ATRX: variants seen among roughly 807,000 people sequenced by gnomAD.
ATRX encodes the protein chromatin remodeler ATRX.
In ATRX, 12 loss-of-function variants were observed where a neutral mutation model predicts 172.6. The ratio of observed to expected loss-of-function variants is 0.07; its 90% CI spans 0.04 to 0.11. The LOEUF (loss-of-function observed/expected upper bound fraction) is 0.11, where lower values mean the gene tolerates loss of function less well. Ranked by LOEUF, ATRX falls within the 10% of genes least tolerant of loss-of-function variation. The pLI, the probability that ATRX is intolerant of heterozygous loss-of-function variation, is 1.00. For missense variants in ATRX, 1,368 were observed against 1,767.4 expected, an observed-to-expected ratio of 0.77 and a Z score of 4.05; for synonymous variants, 674 against 594.7, an observed-to-expected ratio of 1.13 and a Z score of -1.94.
chrX:77,616,899 C>T (rs188540745), intron 21 of ATRX, among the ~76,000 whole-genome samples, 169 bp from the exon 22 acceptor site: 11 of 111,886 alleles, frequency 9.8e-5, no homozygotes, highest in African/African-American at 3.6e-4. Context: ...CAATTATCTA[C>T]ACAATGTATT....
chrX:77,550,417 C>A (rs1342944713), intron 30 of ATRX, among the ~76,000 whole-genome samples: 1 of 111,446 alleles, frequency 9.0e-6, no homozygotes, highest in Non-Finnish European at 1.9e-5. Flanking sequence ...AATTCAACAA[C>A]CTTCATGCTA....
At chrX:77,740,560 G>A (rs1557181550) in intron 1 of ATRX, among the ~76,000 whole-genome samples, 1 of 110,532 alleles carries the variant, frequency 9.0e-6, no homozygotes, top group East Asian at 2.8e-4. Flanking sequence ...AAACCCCCGA[G>A]GCTTATAGCC....
chrX:77,563,394 T>A (rs1482808180), intron 28 of ATRX, among the ~76,000 whole-genome samples: 1 of 112,456 alleles, frequency 8.9e-6, no homozygotes, highest in African/African-American at 3.2e-5. Flanking sequence ...CATTTTTAAC[T>A]TGAATTTCTC....
intron 1 of ATRX, among the ~76,000 whole-genome samples, chrX:77,737,533 G>GT (rs2074656702): frequency 9.3e-6 from 1 of 107,677 alleles, no homozygotes; most frequent in African/African-American, 3.4e-5. Flanking sequence ...GAGGTCAGGA[G>GT]TTTGAGATCA....
In ATRX at chrX:77,550,189, T is replaced by C. The variant is rs145467601; in HGVS notation, c.6699+7262A>G. Among the ~76,000 whole-genome samples, 462 of 111,467 alleles carry C rather than the reference T, an allele frequency of 4.1e-3. 4 individuals are homozygous for C. The highest frequency in any genetic ancestry group is 0.014 in the African/African-American group (432 of 30,736). ...ATTCCAACACTGCTTTTCAATGATATATGGATCACTAAGGAACACTATAAA... is the reference window on the plus strand; with the variant it reads ...ATTCCAACACTGCTTTTCAATGATACATGGATCACTAAGGAACACTATAAA... On this transcript the variant is annotated intron_variant, in intron 30 of 34. Transcript: ENST00000373344.
At chrX:77,756,859 C>A (rs1307910467) in intron 1 of ATRX, among the ~76,000 whole-genome samples, 2 of 109,810 alleles carry the variant, frequency 1.8e-5, no homozygotes, top group African/African-American at 3.3e-5. Flanking sequence ...AAAATCGGCT[C>A]ACTGCAACCA....
In ATRX at chrX:77,624,382, A is replaced by G. The variant is rs1183212217; in HGVS notation, c.5135-3850T>C. On this transcript the variant is annotated intron_variant, in intron 19 of 34. Transcript: ENST00000373344. Reference sequence around the variant, plus strand: ...ACTCCATCTCAAAAAAAGAAAAAGAAAAAGAAAAAAAGAAATAAAGGGAAT... The same window carrying G: ...ACTCCATCTCAAAAAAAGAAAAAGAGAAAGAAAAAAAGAAATAAAGGGAAT... 4.5e-5 allele frequency among the ~76,000 whole-genome samples: 5 copies of G among 111,204 alleles called. No individual in the cohort carries two copies. The South Asian group carries it at 1.5e-3, about 34-fold the overall frequency.
At chrX:77,574,413 G>A in intron 27 of ATRX, 55 bp from the exon 28 acceptor site, 1 of 878,421 alleles carries the variant, frequency 1.1e-6, no homozygotes, top group Non-Finnish European at 1.7e-6. Flanking sequence ...TCTGCTTACT[G>A]GTAAGAACAG....
chrX:77,654,287 C>T, intron 13 of ATRX, 87 bp from the exon 14 acceptor site: 3 of 731,519 alleles, frequency 4.1e-6, no homozygotes, highest in Non-Finnish European at 6.3e-6. Flanking sequence ...TGTTCTACCT[C>T]TGTATGCATT....
At chrX:77,688,643 G>T (rs782350007) in intron 7 of ATRX, among the ~76,000 whole-genome samples, 175 bp downstream of exon 7, 8 of 111,749 alleles carry the variant, frequency 7.2e-5, no homozygotes, top group African/African-American at 2.6e-4. Context: ...CATAATCACA[G>T]TATCTCCCCT....
chrX:77,560,698 T>C (rs1302736860), intron 28 of ATRX, among the ~76,000 whole-genome samples: 5 of 111,626 alleles, frequency 4.5e-5, no homozygotes, highest in Non-Finnish European at 9.4e-5. Context: ...GGAAAAAGTT[T>C]ACAATTTAGT....
chrX:77,545,560 C>T lies in ATRX; in HGVS notation c.6699+11891G>A, dbSNP rs138985093. On this transcript the variant is annotated intron_variant, in intron 30 of 34. Transcript: ENST00000373344. ...AAAATAACTCAGTATAAACAGCAAG[C>T]GGGGTACAGTTGAATATCTTAGTGA... Among the ~76,000 whole-genome samples the T allele has an allele frequency of 4.3e-3, 470 of 110,248 alleles. 6 individuals carry two copies. Among genetic ancestry groups the T allele is most frequent in the Admixed American group, 0.013 (138 of 10,272 alleles).
intron 10 of ATRX, among the ~76,000 whole-genome samples, chrX:77,668,581 C>T (rs1222657445): frequency 9.0e-6 from 1 of 111,059 alleles, no homozygotes; most frequent in Non-Finnish European, 1.9e-5. Context: ...AGTAATGGAG[C>T]CACTCCTCCA....
intron 1 of ATRX, among the ~76,000 whole-genome samples, chrX:77,774,761 C>G (rs1337437370): frequency 3.6e-5 from 4 of 111,833 alleles, no homozygotes; most frequent in Non-Finnish European, 7.5e-5. Flanking sequence ...TCACACTAGA[C>G]TGCAGTGGCA....
At chrX:77,634,232 T>TAAAAA (rs144290953) in intron 17 of ATRX, among the ~76,000 whole-genome samples, 576 of 53,986 alleles carry the variant, frequency 0.011, 15 homozygotes, top group African/African-American at 0.033. Context: ...TTAAAAGTTG[T>TAAAAA]AAAAAAAAAA....
chrX:77,708,174 C>T (rs971296979), intron 2 of ATRX, among the ~76,000 whole-genome samples: 14 of 111,875 alleles, frequency 1.3e-4, no homozygotes, highest in African/African-American at 4.6e-4. Context: ...AACATGGGAA[C>T]AAGACAAATG....
At chrX:77,618,656 A>T in intron 21 of ATRX, 150 bp downstream of exon 21, 2 of 527,563 alleles carry the variant, frequency 3.8e-6, no homozygotes, top group Non-Finnish European at 6.0e-6. Flanking sequence ...GAAATTTTTT[A>T]AGACAACGCA....
chrX:77,641,655 C>CA (rs782618880), intron 15 of ATRX, among the ~76,000 whole-genome samples: 219 of 107,311 alleles, frequency 2.0e-3, no homozygotes, highest in African/African-American at 7.1e-3. Flanking sequence ...GAAGATATTT[C>CA]AAAAAACTAA....
intron 1 of ATRX, among the ~76,000 whole-genome samples, chrX:77,765,150 G>A (rs1175899161): frequency 9.0e-6 from 1 of 111,442 alleles, no homozygotes; most frequent in African/African-American, 3.3e-5. Context: ...CTGGGCAACA[G>A]AGCAAAAACT....
Sources: allele counts gnomAD v4.1 joint callset (sites outside exome capture counted in the v4.1 genomes callset), GRCh38; gene constraint gnomAD v4.1.1; transcripts MANE v1.5; gene names NCBI Gene and HGNC (gene_info 2026-07-23, HGNC 2026-07-21).